The following ENTREP2 variants were observed in gnomAD, a reference collection of about 807,000 sequenced individuals.
ENTREP2 encodes protein ENTREP2.
the ENTREP2 span, among the ~76,000 whole-genome samples, chr15:29,382,249 G>A: frequency 5.7e-5 from 8 of 139,276 alleles, no homozygotes; most frequent in African/African-American, 2.1e-4. Context: ...GAGGCAGAGC[G>A]AGACTCCATC....
chr15:29,148,657 G>A, the ENTREP2 span, among the ~76,000 whole-genome samples: 1 of 152,070 alleles, frequency 6.6e-6, no homozygotes, highest in Non-Finnish European at 1.5e-5. Flanking sequence ...GGTTGGCTCA[G>A]TGGGGGCTGA....
the ENTREP2 span, among the ~76,000 whole-genome samples, chr15:29,163,527 G>A: frequency 1.3e-5 from 2 of 151,964 alleles, no homozygotes; most frequent in African/African-American, 4.8e-5. Context: ...AAAATGCTCT[G>A]GAAAGTCTCA....
chr15:29,581,201 T>C, the ENTREP2 span, among the ~76,000 whole-genome samples: 7 of 152,222 alleles, frequency 4.6e-5, no homozygotes, highest in African/African-American at 1.7e-4. Flanking sequence ...CTAGGAGGTT[T>C]CAGATTTGAT....
At chr15:29,230,900 T>C in the ENTREP2 span, among the ~76,000 whole-genome samples, 1 of 152,114 alleles carries the variant, frequency 6.6e-6, no homozygotes, top group Non-Finnish European at 1.5e-5. Context: ...ATGAATCACA[T>C]GGTTATATTT....
the ENTREP2 span, among the ~76,000 whole-genome samples, chr15:29,618,051 ATCTCTT>A: frequency 6.6e-6 from 1 of 151,856 alleles, no homozygotes; most frequent in Non-Finnish European, 1.5e-5. Context: ...TGGGCTGCCT[ATCTCTT>A]TCTTAGAGTC....
chr15:29,213,378 G>A, the ENTREP2 span, among the ~76,000 whole-genome samples: 4 of 152,042 alleles, frequency 2.6e-5, no homozygotes, highest in African/African-American at 4.8e-5. Context: ...AAATTACCTT[G>A]GGCAGTATGG....
the ENTREP2 span, among the ~76,000 whole-genome samples, chr15:29,440,904 A>T: frequency 6.6e-6 from 1 of 152,172 alleles, no homozygotes; most frequent in Admixed American, 6.5e-5. Context: ...CCAAAAAAGA[A>T]CGTTCCTCAG....
chr15:29,319,700 C>A, the ENTREP2 span, among the ~76,000 whole-genome samples: 1 of 152,208 alleles, frequency 6.6e-6, no homozygotes, highest in Non-Finnish European at 1.5e-5. Context: ...GCTGAGGTTG[C>A]AGAACAAACT....
the ENTREP2 span, among the ~76,000 whole-genome samples, chr15:29,367,394 G>A: frequency 4.6e-5 from 7 of 152,130 alleles, no homozygotes; most frequent in African/African-American, 1.7e-4. Flanking sequence ...CTGACCCTGA[G>A]CTCACCCAGT....
chr15:29,537,106 T>C, the ENTREP2 span, among the ~76,000 whole-genome samples: 7 of 152,194 alleles, frequency 4.6e-5, no homozygotes, highest in Non-Finnish European at 8.8e-5. Flanking sequence ...ATAATATATG[T>C]ATACTATGTA....
At chr15:29,673,308 C>T in the ENTREP2 span, among the ~76,000 whole-genome samples, 1 of 152,142 alleles carries the variant, frequency 6.6e-6, no homozygotes, top group Admixed American at 6.5e-5. Flanking sequence ...TGACCTCTTA[C>T]CTCATCCTGT....
chr15:29,619,771 C>T, the ENTREP2 span, among the ~76,000 whole-genome samples: 1 of 152,080 alleles, frequency 6.6e-6, no homozygotes, highest in African/African-American at 2.4e-5. Flanking sequence ...TCCTGGCCAT[C>T]CCCTGATCTC....
the ENTREP2 span, among the ~76,000 whole-genome samples, chr15:29,280,441 G>A: frequency 1.3e-5 from 2 of 152,218 alleles, no homozygotes. Flanking sequence ...AAATAAACAA[G>A]CTTAATCTCA....
the ENTREP2 span, among the ~76,000 whole-genome samples, chr15:29,438,791 C>T: frequency 3.9e-5 from 6 of 152,090 alleles, no homozygotes; most frequent in Non-Finnish European, 7.4e-5. Context: ...TGTTAACACC[C>T]GTAAGGGAAG....
chr15:29,422,831 G>A, the ENTREP2 span, among the ~76,000 whole-genome samples: 1 of 152,158 alleles, frequency 6.6e-6, no homozygotes, highest in Non-Finnish European at 1.5e-5. Flanking sequence ...CAGGGGGATG[G>A]AACTTGTACT....
the ENTREP2 span, among the ~76,000 whole-genome samples, chr15:29,474,042 G>A: frequency 6.6e-6 from 1 of 152,194 alleles, no homozygotes; most frequent in Non-Finnish European, 1.5e-5. Flanking sequence ...GCCTTCAATA[G>A]CAAACCCTGA....
the ENTREP2 span, among the ~76,000 whole-genome samples, chr15:29,515,835 G>A: frequency 2.0e-5 from 3 of 152,248 alleles, no homozygotes; most frequent in Admixed American, 1.3e-4. Context: ...GTGTGTGCCC[G>A]AGAGTATCAC....
the ENTREP2 span, among the ~76,000 whole-genome samples, chr15:29,639,509 G>A: frequency 6.6e-6 from 1 of 152,130 alleles, no homozygotes; most frequent in Non-Finnish European, 1.5e-5. Context: ...AAAGTAAAGA[G>A]TGAGACATAG....
chr15:29,208,025 C>T, the ENTREP2 span, among the ~76,000 whole-genome samples: 3 of 152,290 alleles, frequency 2.0e-5, no homozygotes, highest in Admixed American at 6.5e-5. Flanking sequence ...CTGTAGCCCC[C>T]CTGTCCCCTG....
Sources: gnomAD v4.1 joint callset for allele counts (sites outside exome capture counted in the v4.1 genomes callset) on GRCh38, gnomAD v4.1.1 for gene constraint, MANE v1.5 for transcripts, NCBI Gene and HGNC (gene_info 2026-07-23, HGNC 2026-07-21) for gene names.